Variants in CDK8 observed in about 807,000 individuals in gnomAD.
The protein encoded by CDK8 is cyclin-dependent kinase 8.
A neutral mutation model predicts 71.5 loss-of-function variants in CDK8; 29 were observed. That is an observed-to-expected ratio of 0.41 (90% CI 0.30 to 0.55). The LOEUF (loss-of-function observed/expected upper bound fraction) is 0.55. Among genes scored for constraint, CDK8 ranks in the 20% least tolerant of loss-of-function variants. The pLI is 0.37. For synonymous variants in CDK8, 161 were observed against 192.1 expected (o/e 0.84, Z 1.34); for missense variants, 288 against 572.6 (o/e 0.50, Z 5.07).
intron 6 of CDK8, among the ~76,000 whole-genome samples, chr13:26,390,626 A>G (rs1875703399): frequency 6.6e-6 from 1 of 152,236 alleles, no homozygotes; most frequent in Non-Finnish European, 1.5e-5. Flanking sequence ...TGAAGTATGG[A>G]CTTTTAAGCT....
intron 4 of CDK8, among the ~76,000 whole-genome samples, chr13:26,363,126 C>G (rs1368555927): frequency 6.7e-6 from 1 of 149,304 alleles, no homozygotes; most frequent in African/African-American, 2.5e-5. Context: ...TCGAGACCAT[C>G]CTGGCTAACA....
At chr13:26,386,221 T>C (rs528975323) in intron 6 of CDK8, among the ~76,000 whole-genome samples, 2 of 152,358 alleles carry the variant, frequency 1.3e-5, no homozygotes, top group African/African-American at 2.4e-5. Flanking sequence ...TTTTGTTTGC[T>C]AACCATAGTT....
chr13:26,358,632 C>T (rs1166777592), intron 4 of CDK8, among the ~76,000 whole-genome samples: 1 of 152,224 alleles, frequency 6.6e-6, no homozygotes, highest in African/African-American at 2.4e-5. Context: ...AGCAGTTCCA[C>T]TTCTTGGTAT....
chr13:26,403,982 C>G lies in CDK8; in HGVS notation c.1296C>G (p.Pro432=). Residue 432 remains proline (P), a synonymous_variant, in exon 13 of 13, where the codon CCC becomes CCG. Transcript: ENST00000381527. ...YQRSNPHAAY[P]NPGPSTSQPQ... ...GTTCCAATCCACATGCTGCCTATCCCAACCCTGGACCAAGCACATCACAGC... is the reference window on the plus strand; with the variant it reads ...GTTCCAATCCACATGCTGCCTATCCGAACCCTGGACCAAGCACATCACAGC... 2 of 1,613,490 alleles carry G rather than the reference C, an allele frequency of 1.2e-6. No homozygotes were observed. The highest frequency in any genetic ancestry group is 1.7e-6 in the Non-Finnish European group (2 of 1,180,000).
intron 1 of CDK8, among the ~76,000 whole-genome samples, chr13:26,271,480 A>G (rs1872316903): frequency 6.6e-6 from 1 of 152,198 alleles, no homozygotes; most frequent in Admixed American, 6.5e-5. Context: ...ACATTTTAAT[A>G]TAGAAAAGGT....
At chr13:26,362,222 A>AGATGGATGGATG (rs66479948) in intron 4 of CDK8, among the ~76,000 whole-genome samples, 26 of 146,770 alleles carry the variant, frequency 1.8e-4, no homozygotes, top group South Asian at 6.6e-4. Context: ...GATAGATGAT[A>AGATGGATGGATG]GATGGATGGA....
chr13:26,288,257 C>A (rs1450289265), intron 1 of CDK8, among the ~76,000 whole-genome samples: 1 of 152,250 alleles, frequency 6.6e-6, no homozygotes, highest in South Asian at 2.1e-4. Flanking sequence ...CCACTGCGCC[C>A]GGCCTAGTGC....
intron 1 of CDK8, among the ~76,000 whole-genome samples, chr13:26,309,354 T>C (rs1218663849): frequency 6.6e-6 from 1 of 152,162 alleles, no homozygotes; most frequent in Non-Finnish European, 1.5e-5. Context: ...TTAGCTAGGA[T>C]GGTCTCGATC....
At chr13:26,367,101 T>C (rs74042639) in intron 4 of CDK8, among the ~76,000 whole-genome samples, 3,400 of 152,280 alleles carry the variant, frequency 0.022, 128 homozygotes, top group African/African-American at 0.078. Flanking sequence ...AAATTTGGAA[T>C]TCCTAATACT....
intron 1 of CDK8, among the ~76,000 whole-genome samples, chr13:26,284,639 C>CA (rs199622125): frequency 9.2e-5 from 14 of 151,536 alleles, no homozygotes; most frequent in African/African-American, 1.2e-4. Context: ...AAACTGCCAA[C>CA]AAAAAAAATT....
chr13:26,289,062 T>G (rs1469415564), intron 1 of CDK8, among the ~76,000 whole-genome samples: 3 of 145,062 alleles, frequency 2.1e-5, no homozygotes, highest in Non-Finnish European at 3.0e-5. Context: ...TTTTTTTTTT[T>G]TTTTTTTTTT....
Position 26,348,959 on chromosome 13 carries a change from T to A in CDK8, c.205-113T>A, listed in dbSNP as rs1471111318. ...CAGAATTGTGTGGGTGCTTATTAGA[T>A]GTTTAAGATTGTTTACCTGTGGGTT... On this transcript the variant is annotated intron_variant, in intron 2 of 12. Coordinates refer to ENST00000381527, the MANE Select transcript of CDK8 (RefSeq NM_001260.3). The A allele has an allele frequency of 6.9e-6, 5 of 722,276 alleles. No individual in the cohort carries two copies. The African/African-American group carries it at 8.9e-5, about 13-fold the overall frequency. 44.7% of individuals were successfully genotyped at this position (722,276 alleles called of 1,614,324 possible).
chr13:26,338,912 T>C (rs1421850048), intron 2 of CDK8, among the ~76,000 whole-genome samples: 2 of 152,124 alleles, frequency 1.3e-5, no homozygotes, highest in African/African-American at 4.8e-5. Context: ...TGAAAATTCA[T>C]TGAGCTGTGT....
chr13:26,385,329 T>C lies in CDK8; in HGVS notation c.633T>C (p.Tyr211=). The C allele has an allele frequency of 6.2e-7, 1 of 1,607,418 alleles. No homozygotes were observed. The highest frequency in any genetic ancestry group is 8.5e-7 in the Non-Finnish European group (1 of 1,178,212). ...APELLLGARH[Y]TKAIDIWAIG... The stretch of plus-strand genomic sequence containing the variant: ...AACTACTTCTTGGAGCAAGGCATTA[T>C]ACCAAAGCTATTGGTGAGTAGAACT... Residue 211 remains tyrosine (Y), a synonymous_variant, in exon 6 of 13, where the codon TAT becomes TAC. Coordinates refer to ENST00000381527, the MANE Select transcript of CDK8 (RefSeq NM_001260.3).
At chr13:26,356,001 C>A (rs529403839) in intron 4 of CDK8, among the ~76,000 whole-genome samples, 2 of 152,142 alleles carry the variant, frequency 1.3e-5, no homozygotes, top group South Asian at 4.2e-4. Context: ...AATTATGATA[C>A]CGAGTTTCTT....
chr13:26,319,537 G>GTAAC (rs1874667146), intron 1 of CDK8, among the ~76,000 whole-genome samples: 2 of 152,080 alleles, frequency 1.3e-5, no homozygotes, highest in South Asian at 4.2e-4. Flanking sequence ...AGTGAAAGCT[G>GTAAC]TAACACATTG....
At chr13:26,328,015 G>A (rs1381292448) in intron 1 of CDK8, among the ~76,000 whole-genome samples, 1 of 147,862 alleles carries the variant, frequency 6.8e-6, no homozygotes, top group East Asian at 2.0e-4. Context: ...AAATACTGTG[G>A]TCACTAAAAA....
intron 1 of CDK8, among the ~76,000 whole-genome samples, chr13:26,278,704 A>G (rs2137881982): frequency 6.6e-6 from 1 of 152,322 alleles, no homozygotes; most frequent in African/African-American, 2.4e-5. Flanking sequence ...ATAGACACTG[A>G]CTTGGAGAGG....
intron 1 of CDK8, among the ~76,000 whole-genome samples, chr13:26,270,770 T>C (rs548556746): frequency 1.3e-5 from 2 of 152,336 alleles, no homozygotes; most frequent in Non-Finnish European, 2.9e-5. Flanking sequence ...TTTTGGTTGT[T>C]ATGAATAATG....
Sources: gnomAD v4.1 joint callset for allele counts (sites outside exome capture counted in the v4.1 genomes callset) on GRCh38, gnomAD v4.1.1 for gene constraint, MANE v1.5 for transcripts, NCBI Gene and HGNC (gene_info 2026-07-23, HGNC 2026-07-21) for gene names.